The following MTA3 variants were observed in gnomAD, a reference collection of about 807,000 sequenced individuals.
The protein encoded by MTA3 is metastasis associated 1 family member 3.
Under a neutral mutation model 83.5 loss-of-function variants are expected in MTA3, and 34 were observed. The observed-to-expected ratio is 0.41, with a 90% CI of 0.31 to 0.54. The LOEUF is 0.54. Among genes scored for constraint, MTA3 ranks in the 20% least tolerant of loss-of-function variants. MTA3 has a pLI of 0.33. For missense variants in MTA3, 761 were observed against 726.4 expected, an observed-to-expected ratio of 1.05 and a Z score of -0.55; for synonymous variants, 303 against 252.7, an observed-to-expected ratio of 1.20 and a Z score of -1.89.
In MTA3 at chr2:42,497,085, A is replaced by G. The variant is rs373880728; in HGVS notation, c.-141+1831A>G. ...GCCAGGCATGGTGGTGCACACCTGT[A>G]ATCCCAGCTACTGGGGAGGCTGAGG... On this transcript the variant is annotated intron_variant, in intron 2 of 17. Coordinates refer to the MTA3 transcript ENST00000405592. 3.1e-4 allele frequency among the ~76,000 whole-genome samples: 47 copies of G among 152,236 alleles called. No individual in the cohort carries two copies. The East Asian group carries it at 8.9e-3, about 29-fold the overall frequency.
At chr2:42,658,131 C>T in intron 7 of MTA3, among the ~76,000 whole-genome samples, 1 of 127,006 alleles carries the variant, frequency 7.9e-6, no homozygotes, top group East Asian at 2.6e-4. Context: ...AGACCACAGT[C>T]AAATACCACT....
chr2:42,638,686 G>A (rs1344046775), intron 4 of MTA3, among the ~76,000 whole-genome samples: 1 of 137,576 alleles, frequency 7.3e-6, no homozygotes, highest in Non-Finnish European at 1.5e-5. Context: ...GTGTTGTTAT[G>A]TGTGCTAAAG....
intron 12 of MTA3, among the ~76,000 whole-genome samples, chr2:42,705,088 T>C (rs992058140): frequency 1.7e-4 from 26 of 152,120 alleles, no homozygotes; most frequent in Admixed American, 9.2e-4. Flanking sequence ...TGAGAGTACA[T>C]GTAGCCTACT....
chr2:42,686,452 C>T (rs367995254), intron 9 of MTA3, among the ~76,000 whole-genome samples: 10 of 151,838 alleles, frequency 6.6e-5, no homozygotes, highest in African/African-American at 7.3e-5. Flanking sequence ...TTTGGGAGTC[C>T]GAGGCAGGAG....
intron 3 of MTA3, among the ~76,000 whole-genome samples, chr2:42,592,959 T>TG (rs1467729513): frequency 2.0e-4 from 31 of 151,732 alleles, no homozygotes; most frequent in Non-Finnish European, 8.8e-5. Flanking sequence ...GAGACCAGCC[T>TG]GACCAATATG....
chr2:42,579,079 A>C (rs1419485617), intron 2 of MTA3, 28 bp from the exon 3 acceptor site: 1 of 1,495,760 alleles, frequency 6.7e-7, no homozygotes, highest in African/African-American at 1.4e-5. Flanking sequence ...ATTCAGTGCA[A>C]ATGACTTTTA....
chr2:42,748,195 ATGTGTTTGTGTGTGTG>A (rs970472082), intron 16 of MTA3, among the ~76,000 whole-genome samples: 29 of 57,592 alleles, frequency 5.0e-4, no homozygotes, highest in African/African-American at 2.3e-3. Flanking sequence ...CATCCAGCTA[ATGTGTTTGTGTGTGTG>A]TGTGTGTGTG....
At chr2:42,695,905 AT>A (rs1233984280) in intron 10 of MTA3, 66 bp downstream of exon 10, 3 of 1,135,556 alleles carry the variant, frequency 2.6e-6, no homozygotes, top group Non-Finnish European at 3.7e-6. Flanking sequence ...ATATTTTAAT[AT>A]TTTTTGGCGA....
chr2:42,749,169 T>C (rs2104602008), intron 16 of MTA3, among the ~76,000 whole-genome samples: 1 of 152,312 alleles, frequency 6.6e-6, no homozygotes, highest in Admixed American at 6.5e-5. Flanking sequence ...ATTTGAGGGC[T>C]CCCCCTTCTG....
intron 4 of MTA3, among the ~76,000 whole-genome samples, chr2:42,620,277 C>T (rs572903583): frequency 6.6e-6 from 1 of 152,114 alleles, no homozygotes; most frequent in South Asian, 2.1e-4. Context: ...CACTGCCACG[C>T]CTGGCTTATT....
At chr2:42,594,730 T>TA (rs1558473027) in intron 3 of MTA3, among the ~76,000 whole-genome samples, 11 of 14,034 alleles carry the variant, frequency 7.8e-4, no homozygotes, top group African/African-American at 1.3e-3. Context: ...ATATATATAT[T>TA]TTTTTTTTTT....
At chr2:42,559,916 C>A (rs1355963573) in intron 2 of MTA3, among the ~76,000 whole-genome samples, 1 of 151,784 alleles carries the variant, frequency 6.6e-6, no homozygotes, top group Non-Finnish European at 1.5e-5. Context: ...AAAAAAACTC[C>A]ATTGGCCGTG....
chr2:42,750,165 AT>A (rs1669766632), intron 16 of MTA3, among the ~76,000 whole-genome samples: 1 of 151,704 alleles, frequency 6.6e-6, no homozygotes, highest in Admixed American at 6.6e-5. Context: ...TAATTTTTGT[AT>A]TTTTAGTAGA....
At chr2:42,709,843 C>CTT (rs1363202763) in intron 14 of MTA3, among the ~76,000 whole-genome samples, 1 of 152,166 alleles carries the variant, frequency 6.6e-6, no homozygotes, top group African/African-American at 2.4e-5. Flanking sequence ...ACTTACTACT[C>CTT]TTATTTTCAA....
chr2:42,559,254 C>T (rs1202329560), intron 2 of MTA3, among the ~76,000 whole-genome samples: 1 of 152,110 alleles, frequency 6.6e-6, no homozygotes, highest in Admixed American at 6.5e-5. Flanking sequence ...GTAATCCCAG[C>T]ACTTTGGGAG....
intron 2 of MTA3, among the ~76,000 whole-genome samples, chr2:42,546,246 A>C (rs1377157491): frequency 2.0e-5 from 3 of 152,168 alleles, no homozygotes; most frequent in African/African-American, 7.2e-5. Context: ...CCATTGTTAC[A>C]TGCTAATGAA....
chr2:42,565,821 TG>T (rs1677885963), upstream of MTA3, among the ~76,000 whole-genome samples: 1 of 152,002 alleles, frequency 6.6e-6, no homozygotes, highest in South Asian at 2.1e-4. Flanking sequence ...GTGGCCAACA[TG>T]GTGAAACCCT....
At chr2:42,542,096 C>G (rs555347607) in intron 2 of MTA3, among the ~76,000 whole-genome samples, 1 of 152,286 alleles carries the variant, frequency 6.6e-6, no homozygotes, top group Admixed American at 6.5e-5. Context: ...GCTTTCTTTG[C>G]AAATGGGTTT....
chr2:42,635,264 C>T (rs1299851400), intron 4 of MTA3, among the ~76,000 whole-genome samples: 5 of 152,140 alleles, frequency 3.3e-5, no homozygotes, highest in African/African-American at 9.7e-5. Flanking sequence ...TCAAAACTGT[C>T]TACTCACTGA....
Sources: allele counts gnomAD v4.1 joint callset (sites outside exome capture counted in the v4.1 genomes callset), GRCh38; gene constraint gnomAD v4.1.1; transcripts MANE v1.5; gene names NCBI Gene and HGNC (gene_info 2026-07-23, HGNC 2026-07-21).